The following SLC43A2 variants were observed in gnomAD, a reference collection of about 807,000 sequenced individuals.
SLC43A2 encodes the protein large neutral amino acids transporter small subunit 4.
A neutral mutation model predicts 63.2 loss-of-function variants in SLC43A2; 38 were observed. That is an observed-to-expected ratio of 0.60 (90% CI 0.46 to 0.79). The LOEUF is 0.79. Among genes scored for constraint, SLC43A2 ranks in the 30% least tolerant of loss-of-function variants. The pLI is 0.00. For synonymous variants in SLC43A2, 322 were observed against 331.0 expected, an observed-to-expected ratio of 0.97 and a Z score of 0.30; for missense variants, 644 against 756.2, an observed-to-expected ratio of 0.85 and a Z score of 1.74.
At chr17:1,585,347 T>A in intron 10 of SLC43A2, 1 of 587,882 alleles carries the variant, frequency 1.7e-6, no homozygotes, top group Non-Finnish European at 2.3e-6. Flanking sequence ...GTTCAAGCAA[T>A]TCTCGCGCCT....
chr17:1,575,483 G>T lies in SLC43A2; in HGVS notation c.*121C>A. 1 of 1,315,734 alleles carries T rather than the reference G, an allele frequency of 7.6e-7. No individual in the cohort carries two copies. 81.5% of individuals were successfully genotyped at this position (1,315,734 alleles called of 1,614,324 possible). Reference sequence around the variant, plus strand: ...CTCCGAGGCAGGGCCCCGGGAGGGAGCGTGAACGCTGGCACGGAGACGGCG... The same window carrying T: ...CTCCGAGGCAGGGCCCCGGGAGGGATCGTGAACGCTGGCACGGAGACGGCG... On this transcript the variant is annotated 3_prime_UTR_variant, in exon 14 of 14. Coordinates refer to ENST00000301335, the MANE Select transcript of SLC43A2 (RefSeq NM_152346.3).
intron 5 of SLC43A2, among the ~76,000 whole-genome samples, chr17:1,594,776 G>A (rs900207309): frequency 6.6e-6 from 1 of 151,696 alleles, no homozygotes; most frequent in Non-Finnish European, 1.5e-5. Context: ...TTTCAGTAGA[G>A]ACGGGGTTTC....
At chr17:1,618,230 G>C (rs557070070) in intron 2 of SLC43A2, among the ~76,000 whole-genome samples, 4 of 152,240 alleles carry the variant, frequency 2.6e-5, no homozygotes, top group African/African-American at 9.6e-5. Context: ...CTGGAATCTG[G>C]TTTCTAGCTT....
intron 9 of SLC43A2, among the ~76,000 whole-genome samples, chr17:1,588,775 G>A (rs1029839986): frequency 4.0e-5 from 6 of 149,922 alleles, no homozygotes; most frequent in Admixed American, 3.3e-4. Flanking sequence ...CCCTGAATCC[G>A]CAACTCCTGT....
intron 5 of SLC43A2, among the ~76,000 whole-genome samples, chr17:1,610,797 C>T (rs1199314493): frequency 6.7e-6 from 1 of 150,354 alleles, no homozygotes; most frequent in Admixed American, 6.6e-5. Context: ...TCTTACTGGC[C>T]TATTAGCTCC....
intron 3 of SLC43A2, among the ~76,000 whole-genome samples, chr17:1,615,637 A>T (rs960631712): frequency 6.7e-6 from 1 of 150,168 alleles, no homozygotes; most frequent in Non-Finnish European, 1.5e-5. Flanking sequence ...AGGTCAGGAG[A>T]TCGAGACCAT....
chr17:1,591,238 C>CCGT (rs764932321), intron 8 of SLC43A2, 31 bp downstream of exon 8: 1 of 1,597,214 alleles, frequency 6.3e-7, no homozygotes, highest in South Asian at 1.1e-5. Flanking sequence ...CACTCCCTGC[C>CCGT]CGTCGCCCGG....
In SLC43A2 at chr17:1,606,534, T is replaced by C. The variant is rs1906626251; in HGVS notation, c.501+6661A>G. On this transcript the variant is annotated intron_variant, in intron 5 of 13. Coordinates refer to ENST00000301335, the MANE Select transcript of SLC43A2 (RefSeq NM_152346.3). This position sits in a 1 kb window ranked among gnomAD's most constrained non-coding sequence, Gnocchi z 4.7. Reference sequence around the variant, plus strand: ...AGGGGTCAGAGTAATGGAGTGGAAATGGCAGGTTCACAATTTTGGCTACAG... The same window carrying C: ...AGGGGTCAGAGTAATGGAGTGGAAACGGCAGGTTCACAATTTTGGCTACAG... Among the ~76,000 whole-genome samples the C allele has an allele frequency of 6.6e-6, 1 of 152,096 alleles. No homozygotes were observed. Among genetic ancestry groups the C allele is most frequent in the Non-Finnish European group, 1.5e-5 (1 of 68,002 alleles).
At chr17:1,620,915 C>CG (rs909132838) in intron 2 of SLC43A2, among the ~76,000 whole-genome samples, 2 of 152,088 alleles carry the variant, frequency 1.3e-5, no homozygotes, top group African/African-American at 4.8e-5. Flanking sequence ...AGCTTGACCC[C>CG]GGGCCAGCCT....
chr17:1,605,244 C>T lies in SLC43A2; in HGVS notation c.501+7951G>A. 9.3e-7 allele frequency: 1 copy of T among 1,074,844 alleles called. No homozygotes were observed. Among genetic ancestry groups the T allele is most frequent in the South Asian group, 2.7e-5 (1 of 36,826 alleles). The allele number at this position is 1,074,844 out of a possible 1,614,324, so 66.6% of individuals were successfully genotyped here. A position where few individuals can be genotyped will look rare whatever the true frequency, so the allele number is the denominator to read the frequency against. On this transcript the variant is annotated intron_variant, in intron 5 of 13. Transcript: ENST00000301335. The surrounding 1 kb of genome is among the most constrained non-coding windows in gnomAD (Gnocchi z 4.9). ...GGGAAGCCCGTGACTCTCTCTCTTT[C>T]AGCCCCCTGGCTGCAGCATAAACAG... is the stretch of plus-strand genomic sequence containing the variant.
At chr17:1,591,735 G>T in intron 6 of SLC43A2, 36 bp from the exon 7 acceptor site, 1 of 652,926 alleles carries the variant, frequency 1.5e-6, no homozygotes, top group Non-Finnish European at 2.5e-6. Context: ...GGGGGGGGGA[G>T]GGGGCAGAGT....
chr17:1,590,669 G>T (rs1414558420), intron 9 of SLC43A2, 133 bp downstream of exon 9: 2 of 1,160,542 alleles, frequency 1.7e-6, no homozygotes, highest in African/African-American at 1.5e-5. Context: ...GCTCTGACGG[G>T]CAGACAGCTC....
chr17:1,592,764 C>T (rs776498624), intron 6 of SLC43A2, among the ~76,000 whole-genome samples: 1 of 152,152 alleles, frequency 6.6e-6, no homozygotes, highest in Non-Finnish European at 1.5e-5. Context: ...CAAAATCCTG[C>T]CTAGGAGGGA....
rs546467041 is a variant in SLC43A2 at position 1,600,135 on chromosome 17, A to AATATATATATATATAT, written c.502-6872_502-6857dup. Among the ~76,000 whole-genome samples, 59 of 47,868 alleles carry AATATATATATATATAT rather than the reference A, an allele frequency of 1.2e-3. 2 individuals are homozygous for AATATATATATATATAT. Among genetic ancestry groups the AATATATATATATATAT allele is most frequent in the African/African-American group, 3.0e-3 (33 of 11,064 alleles). 31.4% of individuals were successfully genotyped at this position (47,868 alleles called of 152,430 possible). A position where few individuals can be genotyped will look rare whatever the true frequency, so the allele number is the denominator to read the frequency against. On this transcript the variant is annotated intron_variant, in intron 5 of 13. Transcript: ENST00000301335. ...TTTACAGTAAGCTATATATTAATTG[A>AATATATATATATATAT]ATATATATATATATATATTTTTTTT... is the stretch of plus-strand genomic sequence containing the variant.
rs1254863602 is a variant in SLC43A2 at position 1,590,865 on chromosome 17, T to C, written c.1015A>G (p.Ile339Val). 6 of 1,554,726 alleles carry C rather than the reference T, an allele frequency of 3.9e-6. No individual in the cohort carries two copies. Among genetic ancestry groups the C allele is most frequent in the South Asian group, 2.4e-5 (2 of 84,304 alleles). Reference sequence around the variant, plus strand: ...TTGTTCATAGCCCCCATGTAGAAGATGAGCCGCAGCTGCGTGACGCACATG... The same window carrying C: ...TTGTTCATAGCCCCCATGTAGAAGACGAGCCGCAGCTGCGTGACGCACATG... ...VTMCVTQLRL[I>V]FYMGAMNNIL... Residue 339 changes from isoleucine to valine, a missense_variant, in exon 9 of 14, where the codon ATC becomes GTC. Around this residue, in one of 3 missense-constraint regions of SLC43A2, gnomAD observed 528 missense variants for 623.6 expected, o/e 0.85. Coordinates refer to ENST00000301335, the MANE Select transcript of SLC43A2 (RefSeq NM_152346.3).
At chr17:1,600,796 G>A (rs559888267) in intron 5 of SLC43A2, among the ~76,000 whole-genome samples, 15 of 151,650 alleles carry the variant, frequency 9.9e-5, no homozygotes, top group South Asian at 6.2e-4. Context: ...GACCTCAAGC[G>A]ATCTGCCCAC....
intron 4 of SLC43A2, 33 bp downstream of exon 4, chr17:1,614,945 TC>T: frequency 6.2e-7 from 1 of 1,610,008 alleles, no homozygotes; most frequent in South Asian, 1.1e-5. Context: ...CTCTCCCCGG[TC>T]CCTGACAGAA....
At chr17:1,580,909 T>C (rs1033558886) in intron 11 of SLC43A2, among the ~76,000 whole-genome samples, 3 of 152,110 alleles carry the variant, frequency 2.0e-5, no homozygotes, top group Non-Finnish European at 4.4e-5. Flanking sequence ...GGCTAATTTT[T>C]ATTTTTAGTA....
Position 1,593,324 on chromosome 17 carries a change from A to G in SLC43A2, c.502-45T>C, listed in dbSNP as rs1904996754. ...GAAACCTCAGTGGGGAGGATGCACC[A>G]GGGAAGGGGAGGAGGAGGGGACAGA... is the stretch of plus-strand genomic sequence containing the variant. On this transcript the variant is annotated intron_variant, in intron 5 of 13. Transcript: ENST00000301335. The surrounding 1 kb of genome is among the most constrained non-coding windows in gnomAD (Gnocchi z 5.3). The G allele has an allele frequency of 5.1e-6, 8 of 1,557,286 alleles. No homozygotes were observed. Among genetic ancestry groups the G allele is most frequent in the Non-Finnish European group, 7.1e-6 (8 of 1,134,122 alleles).
Sources: allele counts gnomAD v4.1 joint callset (sites outside exome capture counted in the v4.1 genomes callset), GRCh38; gene constraint gnomAD v4.1.1; regional missense constraint gnomAD v4.1.1; non-coding constraint Gnocchi (gnomAD v3.1); transcripts MANE v1.5; gene names NCBI Gene and HGNC (gene_info 2026-07-23, HGNC 2026-07-21).